The following SPAG4 variants were observed in gnomAD, a reference collection of about 807,000 sequenced individuals.
SPAG4 encodes sperm-associated antigen 4 protein.
In SPAG4, 54 loss-of-function variants were observed where a neutral mutation model predicts 53.9. That is an observed-to-expected ratio of 1.00 (90% CI 0.80 to 1.26). The LOEUF (loss-of-function observed/expected upper bound fraction) is 1.26. Among genes scored for constraint, SPAG4 ranks in the 50% most tolerant of loss-of-function variants. SPAG4 has a pLI of 0.00. For synonymous variants in SPAG4, 246 were observed against 237.4 expected (o/e 1.04, Z -0.33); for missense variants, 548 against 568.6 (o/e 0.96, Z 0.37).
chr20:35,619,745 T>C lies in SPAG4; in HGVS notation c.1076T>C (p.Phe359Ser), dbSNP rs1353932129. The C allele has an allele frequency of 6.2e-7, 1 of 1,607,856 alleles. No homozygotes were observed. Among genetic ancestry groups the C allele is most frequent in the Non-Finnish European group, 8.5e-7 (1 of 1,175,704 alleles). ...AGCGCCCCCCGCGATTTCGCGGTCT[T>C]TGTGAGTGCGGACGAGGTCAGGAGG... is the stretch of plus-strand genomic sequence containing the variant. ...ANSAPRDFAV[F>S]GLQVYDETEV... Residue 359 changes from phenylalanine (F) to serine (S), a missense_variant and splice_region_variant, in exon 10 of 12, where the codon TTT becomes TCT. Phe to Ser is a radical substitution (Grantham distance 155, BLOSUM62 -2). Transcript: ENST00000374273.
At position 35,621,057 on chromosome 20, in the gene SPAG4, TG is replaced by T; in HGVS notation, c.*36del. On this transcript the variant is annotated 3_prime_UTR_variant, in exon 12 of 12. Transcript: ENST00000374273. ...TTTTTGGAGTAGAATTGAGTTCTGC[TG>T]AAGGATACTGGATCAGTGCTTTCGG... The T allele has an allele frequency of 6.2e-7, 1 of 1,606,706 alleles. No individual in the cohort carries two copies. The highest frequency in any genetic ancestry group is 8.5e-7 in the Non-Finnish European group (1 of 1,173,964).
rs1253024205 is a variant in SPAG4, at chr20:35,617,176, C to T, written c.345C>T (p.Asp115=). 3 of 1,599,144 alleles carry T rather than the reference C, an allele frequency of 1.9e-6. No individual in the cohort carries two copies. Among genetic ancestry groups the T allele is most frequent in the East Asian group, 2.3e-5 (1 of 44,230 alleles). The change falls in exon 2 of 12, where the codon GAC becomes GAT. Residue 115 remains aspartate (D), a synonymous_variant. Coordinates refer to ENST00000374273, the MANE Select transcript of SPAG4 (RefSeq NM_003116.3). ...CAGTAGTCTCTGAGGAGCCGCTCGA[C>T]CTTCTCCCGACCCTGGATCTGAGGC... The part of the protein sequence containing the change: ...GSPVVSEEPL[D]LLPTLDLRQE...
At chr20:35,616,411 AG>A in intron 1 of SPAG4, 104 bp downstream of exon 1, 1 of 1,406,324 alleles carries the variant, frequency 7.1e-7, no homozygotes, top group Non-Finnish European at 9.2e-7. Context: ...ACCTCCTACA[AG>A]GTGGGTCCTG....
chr20:35,619,354 T>A, intron 9 of SPAG4, 44 bp downstream of exon 9: 1 of 1,572,018 alleles, frequency 6.4e-7, no homozygotes, highest in Non-Finnish European at 8.8e-7. Context: ...GGCGGGACGC[T>A]GGGAAAAGCA....
rs752863592 is a variant in SPAG4, at chr20:35,616,035, C to A, written c.32C>A (p.Ser11Ter). The A allele has an allele frequency of 1.2e-6, 2 of 1,612,522 alleles. No individual in the cohort carries two copies. Among genetic ancestry groups the A allele is most frequent in the Non-Finnish European group, 1.7e-6 (2 of 1,179,682 alleles). MRRSSRPGSA[S>*]SSRKHTPNFF... ...CGAAGCTCCCGCCCGGGCTCGGCCT[C>A]GTCCTCGCGCAAGCACACGCCCAAC... The change falls in exon 1 of 12, where the codon TCG becomes TAG. Residue 11 changes from serine to a stop codon, truncating the protein, a stop_gained. Transcript: ENST00000374273. LOFTEE classifies it high-confidence loss of function.
chr20:35,617,964 C>T, intron 4 of SPAG4, 123 bp from the exon 5 acceptor site: 1 of 1,332,830 alleles, frequency 7.5e-7, no homozygotes, highest in Admixed American at 1.8e-5. Flanking sequence ...CCCTAATTCC[C>T]CCTCAGACTC....
chr20:35,618,544 T>C, intron 6 of SPAG4, 68 bp from the exon 7 acceptor site: 1 of 1,601,984 alleles, frequency 6.2e-7, no homozygotes, highest in Admixed American at 1.7e-5. Context: ...CTTGAAGGCG[T>C]GGGGGCCTTT....
intron 2 of SPAG4, 116 bp downstream of exon 2, chr20:35,617,356 C>G (rs1223383834): frequency 1.1e-6 from 1 of 947,432 alleles, no homozygotes; most frequent in African/African-American, 1.6e-5. Flanking sequence ...CGAGCCTCAA[C>G]TCATTCCTAG....
intron 10 of SPAG4, among the ~76,000 whole-genome samples, chr20:35,620,447 C>A (rs2031535807): frequency 6.6e-6 from 1 of 152,080 alleles, no homozygotes; most frequent in African/African-American, 2.4e-5. Flanking sequence ...AAGATCTCAC[C>A]ACTGCACTCC....
chr20:35,616,049 C>A lies in SPAG4; in HGVS notation c.46C>A (p.His16Asn), dbSNP rs757743346. Residue 16 changes from histidine to asparagine, a missense_variant, in exon 1 of 12, where the codon CAC (histidine) becomes AAC (asparagine). By Grantham distance (68) the His-to-Asn change is moderately conservative. Coordinates refer to ENST00000374273, the MANE Select transcript of SPAG4 (RefSeq NM_003116.3). ...GGGCTCGGCCTCGTCCTCGCGCAAG[C>A]ACACGCCCAACTTTTTCAGCGAGAA... ...RPGSASSSRKHTPNFFSENSS... is the reference protein window; with the variant it reads ...RPGSASSSRKNTPNFFSENSS... 2.0e-5 allele frequency: 32 copies of A among 1,612,620 alleles called. No homozygotes were observed. In the African/African-American group the frequency reaches 4.0e-4, roughly 20 times the overall value.
At position 35,620,959 on chromosome 20, in the gene SPAG4, A is replaced by G. The variant is rs1312093821; in HGVS notation, c.1251A>G (p.Arg417=). 2.5e-6 allele frequency: 4 copies of G among 1,614,196 alleles called. No individual in the cohort carries two copies. Among genetic ancestry groups the G allele is most frequent in the Non-Finnish European group, 3.4e-6 (4 of 1,180,034 alleles). The change falls in exon 12 of 12, where the codon CGA becomes CGG. Residue 417 remains arginine, a synonymous_variant. Transcript: ENST00000374273. ...ACCCCCGTTTCACGTGCTTGTATCG[A>G]GTCCGTGCCCACGGTGTGCGAACCT... The part of the protein sequence containing the change: ...WGHPRFTCLY[R]VRAHGVRTSE...
rs770939560 is a variant in SPAG4, at chr20:35,616,096, G to A, written c.93G>A (p.Ser31=). 9 of 1,612,112 alleles carry A rather than the reference G, an allele frequency of 5.6e-6. No individual in the cohort carries two copies. Among genetic ancestry groups the A allele is most frequent in the Middle Eastern group, 1.7e-4 (1 of 6,056 alleles). Residue 31 remains serine, a synonymous_variant, in exon 1 of 12, where the codon TCG becomes TCA. Coordinates refer to ENST00000374273, the MANE Select transcript of SPAG4 (RefSeq NM_003116.3). The part of the protein sequence containing the change: ...FSENSSMSIT[S]EDSKGLRSAE... Reference sequence around the variant, plus strand: ...AGAACAGCTCAATGAGCATCACCTCGGAGGACAGCAAAGGGCTCCGGTCAG... The same window carrying A: ...AGAACAGCTCAATGAGCATCACCTCAGAGGACAGCAAAGGGCTCCGGTCAG...
chr20:35,620,849 C>G lies in SPAG4; in HGVS notation c.1168-27C>G, dbSNP rs764529427. ...TGAATGATCCAGGAGGAGGGCAGCCCTTGGCATGATCCATTTGTCTCCCCA... is the reference window on the plus strand; with the variant it reads ...TGAATGATCCAGGAGGAGGGCAGCCGTTGGCATGATCCATTTGTCTCCCCA... On this transcript the variant is annotated intron_variant, in intron 11 of 11. Transcript: ENST00000374273. The G allele has an allele frequency of 5.0e-6, 8 of 1,613,294 alleles. No homozygotes were observed. The Admixed American group carries it at 1.0e-4, about 20-fold the overall frequency.
intron 2 of SPAG4, 53 bp from the exon 3 acceptor site, chr20:35,617,467 G>C (rs552390702): frequency 6.7e-7 from 1 of 1,502,020 alleles, no homozygotes; most frequent in South Asian, 1.2e-5. Flanking sequence ...CGCAGGCTGA[G>C]CCCCGCCTCT....
chr20:35,618,521 CTTCT>C (rs756854521), intron 6 of SPAG4, 46 bp downstream of exon 6: 8 of 1,612,012 alleles, frequency 5.0e-6, no homozygotes, highest in Admixed American at 3.3e-5. Flanking sequence ...CTCAAAGTTG[CTTCT>C]TTGAGAACCT....
intron 1 of SPAG4, 132 bp downstream of exon 1, chr20:35,616,439 T>C: frequency 7.7e-7 from 1 of 1,301,032 alleles, no homozygotes; most frequent in African/African-American, 1.6e-5. Context: ...AAAGGGATGG[T>C]GCTAAATGAG....
At chr20:35,620,630 C>CCT (rs760785045) in intron 10 of SPAG4, 54 bp from the exon 11 acceptor site, 2 of 521,528 alleles carry the variant, frequency 3.8e-6, no homozygotes. Context: ...CTCCCCGCCC[C>CCT]CCCCGCCCCA....
intron 4 of SPAG4, 36 bp from the exon 5 acceptor site, chr20:35,618,051 C>T (rs1253249896): frequency 1.2e-6 from 2 of 1,608,096 alleles, no homozygotes; most frequent in Non-Finnish European, 1.7e-6. Flanking sequence ...CATTCTCTTC[C>T]TTTTCCTTCT....
At chr20:35,617,648 C>A in intron 3 of SPAG4, 62 bp downstream of exon 3, 1 of 1,587,422 alleles carries the variant, frequency 6.3e-7, no homozygotes, top group Non-Finnish European at 8.6e-7. Flanking sequence ...GGAGCAGGGC[C>A]GGAACCTTGC....
Sources: allele counts gnomAD v4.1 joint callset (sites outside exome capture counted in the v4.1 genomes callset), GRCh38; gene constraint gnomAD v4.1.1; transcripts MANE v1.5; gene names NCBI Gene and HGNC (gene_info 2026-07-23, HGNC 2026-07-21).